PPP1R9A: variants seen among roughly 807,000 people sequenced by gnomAD.
PPP1R9A encodes neurabin-1.
In PPP1R9A, 59 loss-of-function variants were observed where a neutral mutation model predicts 141.9. The observed-to-expected ratio is 0.42, with a 90% CI of 0.34 to 0.52. The LOEUF is 0.52. Among genes scored for constraint, PPP1R9A ranks in the 20% least tolerant of loss-of-function variants. The probability of loss-of-function intolerance (pLI) is 0.10; values close to 1 mark genes in which losing one functional copy is unlikely to be tolerated. For synonymous variants in PPP1R9A, 500 were observed against 569.7 expected (o/e 0.88, Z 1.74); for missense variants, 1,444 against 1,611.9 (o/e 0.90, Z 1.78).
At chr7:95,227,563 A>G (rs1795313312) in intron 8 of PPP1R9A, among the ~76,000 whole-genome samples, 1 of 152,214 alleles carries the variant, frequency 6.6e-6, no homozygotes, top group Admixed American at 6.5e-5. Context: ...TTATTTGAAC[A>G]CAAGCATGCC....
At chr7:95,235,565 T>C (rs1796568302) in intron 8 of PPP1R9A, among the ~76,000 whole-genome samples, 1 of 152,180 alleles carries the variant, frequency 6.6e-6, no homozygotes, top group African/African-American at 2.4e-5. Context: ...ACTTTTACAC[T>C]GTTGGTGGGA....
At chr7:94,967,975 C>T (rs898924399) in intron 2 of PPP1R9A, among the ~76,000 whole-genome samples, 1 of 152,112 alleles carries the variant, frequency 6.6e-6, no homozygotes, top group African/African-American at 2.4e-5. Context: ...TGTTAATTTT[C>T]TGTCTTGTTT....
intron 2 of PPP1R9A, among the ~76,000 whole-genome samples, chr7:94,990,366 A>G (rs1801358092): frequency 6.6e-6 from 1 of 152,114 alleles, no homozygotes; most frequent in Admixed American, 6.5e-5. Flanking sequence ...TGAATATTGC[A>G]CAGTGGAAAA....
At chr7:95,096,529 GT>G (rs1226238976) in intron 2 of PPP1R9A, among the ~76,000 whole-genome samples, 1 of 152,154 alleles carries the variant, frequency 6.6e-6, no homozygotes, top group Non-Finnish European at 1.5e-5. Context: ...GAAGATAGAG[GT>G]TTCCTAGAGC....
intron 2 of PPP1R9A, among the ~76,000 whole-genome samples, chr7:95,001,866 A>C (rs911525830): frequency 6.6e-6 from 1 of 152,220 alleles, no homozygotes; most frequent in Non-Finnish European, 1.5e-5. Flanking sequence ...AACAAAAAAA[A>C]CACAAGGGAA....
chr7:94,925,544 C>T (rs916946462), intron 2 of PPP1R9A, among the ~76,000 whole-genome samples: 1 of 152,012 alleles, frequency 6.6e-6, no homozygotes, highest in Non-Finnish European at 1.5e-5. Flanking sequence ...GAAGGGATTC[C>T]CTCTGTTGGG....
Position 95,112,543 on chromosome 7 carries a change from C to T in PPP1R9A, c.1528+1152C>T, listed in dbSNP as rs114152470. On this transcript the variant is annotated intron_variant, in intron 3 of 19. Coordinates refer to ENST00000433360, the MANE Select transcript of PPP1R9A (RefSeq NM_001166160.2). ...AACATAGAACTATCATTTGACCAAG[C>T]ACTCCCACTACTGAATATCTCCCCA... Among the ~76,000 whole-genome samples the T allele has an allele frequency of 8.2e-3, 1,251 of 151,874 alleles. 11 individuals are homozygous for T. The highest frequency in any genetic ancestry group is 0.029 in the African/African-American group (1,201 of 41,192).
At chr7:94,925,449 T>G (rs1793353318) in intron 2 of PPP1R9A, among the ~76,000 whole-genome samples, 1 of 152,136 alleles carries the variant, frequency 6.6e-6, no homozygotes. Flanking sequence ...CTGAAGCTGT[T>G]TCGGGGAGGA....
intron 2 of PPP1R9A, among the ~76,000 whole-genome samples, chr7:94,998,635 A>C (rs1802482312): frequency 6.6e-6 from 1 of 152,180 alleles, no homozygotes; most frequent in East Asian, 1.9e-4. Context: ...CTGTTTAAAC[A>C]ATCTTGGAAT....
intron 8 of PPP1R9A, among the ~76,000 whole-genome samples, chr7:95,228,702 G>T (rs1024673967): frequency 5.3e-5 from 8 of 152,010 alleles, no homozygotes; most frequent in Admixed American, 2.6e-4. Context: ...TGAAAAATAC[G>T]CTGCATTTTT....
At chr7:95,009,093 T>G (rs554338733) in intron 2 of PPP1R9A, among the ~76,000 whole-genome samples, 1 of 151,982 alleles carries the variant, frequency 6.6e-6, no homozygotes, top group African/African-American at 2.4e-5. Context: ...TAGGTGGGAA[T>G]TGAACAATGA....
intron 12 of PPP1R9A, among the ~76,000 whole-genome samples, chr7:95,266,238 A>G (rs941827740): frequency 6.6e-6 from 1 of 152,092 alleles, no homozygotes; most frequent in African/African-American, 2.4e-5. Flanking sequence ...TCTTTTTGTC[A>G]CTTAGTAGCC....
intron 2 of PPP1R9A, among the ~76,000 whole-genome samples, chr7:94,974,628 T>G (rs981924098): frequency 8.5e-5 from 13 of 152,172 alleles, no homozygotes; most frequent in Middle Eastern, 3.2e-3. Context: ...TCAACACAGT[T>G]TCATTCTTGT....
intron 2 of PPP1R9A, among the ~76,000 whole-genome samples, chr7:95,006,706 A>G (rs1209453506): frequency 6.6e-6 from 1 of 152,156 alleles, no homozygotes; most frequent in African/African-American, 2.4e-5. Context: ...TTCTAATTAT[A>G]AAGAGTACTT....
intron 2 of PPP1R9A, among the ~76,000 whole-genome samples, chr7:95,001,714 CAG>C (rs1031647090): frequency 6.6e-6 from 1 of 152,112 alleles, no homozygotes; most frequent in African/African-American, 2.4e-5. Context: ...TTAATCAGTT[CAG>C]AGTTACTATT....
intron 7 of PPP1R9A, among the ~76,000 whole-genome samples, chr7:95,220,275 A>G (rs984057238): frequency 5.9e-5 from 9 of 152,132 alleles, no homozygotes; most frequent in Admixed American, 6.6e-5. Context: ...CCTCCAGGGA[A>G]GAAGCAGCTC....
intron 7 of PPP1R9A, among the ~76,000 whole-genome samples, chr7:95,225,550 CA>C: frequency 6.6e-6 from 1 of 152,222 alleles, no homozygotes; most frequent in Non-Finnish European, 1.5e-5. Context: ...AGGTCCCTTC[CA>C]ACTCTGTGAT....
Position 95,101,116 on chromosome 7 carries a change from T to C in PPP1R9A, c.1396-10143T>C, listed in dbSNP as rs570056074. On this transcript the variant is annotated intron_variant, in intron 2 of 19. Coordinates refer to ENST00000433360, the MANE Select transcript of PPP1R9A (RefSeq NM_001166160.2). Reference sequence around the variant, plus strand: ...ATCCGCCCGCCTCGGCCTCCCAAAGTGCTGGGATTACAGGCGTGAGCCACC... The same window carrying C: ...ATCCGCCCGCCTCGGCCTCCCAAAGCGCTGGGATTACAGGCGTGAGCCACC... Among the ~76,000 whole-genome samples, 248 of 152,116 alleles carry C rather than the reference T, an allele frequency of 1.6e-3. 2 individuals are homozygous for C. Among genetic ancestry groups the C allele is most frequent in the Non-Finnish European group, 2.0e-3 (139 of 67,994 alleles).
intron 2 of PPP1R9A, among the ~76,000 whole-genome samples, chr7:95,003,970 G>A (rs1563106569): frequency 6.6e-6 from 1 of 152,112 alleles, no homozygotes; most frequent in South Asian, 2.1e-4. Flanking sequence ...CTTGGATTTT[G>A]CACCCTTTGT....
Sources: gnomAD v4.1 joint callset for allele counts (sites outside exome capture counted in the v4.1 genomes callset) on GRCh38, gnomAD v4.1.1 for gene constraint, MANE v1.5 for transcripts, NCBI Gene and HGNC (gene_info 2026-07-23, HGNC 2026-07-21) for gene names.